The following PDCL3 variants were observed in gnomAD, a reference collection of about 807,000 sequenced individuals.
PDCL3 encodes the protein phosducin-like protein 3.
Under a neutral mutation model 26.5 loss-of-function variants are expected in PDCL3, and 22 were observed. The ratio of observed to expected loss-of-function variants is 0.83; its 90% CI spans 0.59 to 1.19. The LOEUF (loss-of-function observed/expected upper bound fraction) is 1.19, where lower values mean the gene tolerates loss of function less well. Among genes scored for constraint, PDCL3 ranks in the 50% most tolerant of loss-of-function variants. PDCL3 has a pLI of 0.00. For missense variants in PDCL3, 246 were observed against 294.1 expected (o/e 0.84, Z 1.20); for synonymous variants, 81 against 104.9 (o/e 0.77, Z 1.39).
intron 2 of PDCL3, among the ~76,000 whole-genome samples, 170 bp downstream of exon 2, chr2:100,566,799 C>T (rs1327475462): frequency 6.6e-6 from 1 of 152,194 alleles, no homozygotes; most frequent in East Asian, 1.9e-4. Context: ...GAGCCATAGA[C>T]TTAGGGGACT....
At chr2:100,574,646 C>T (rs1318784465) in intron 5 of PDCL3, among the ~76,000 whole-genome samples, 1 of 152,122 alleles carries the variant, frequency 6.6e-6, no homozygotes, top group Non-Finnish European at 1.5e-5. Flanking sequence ...TTCAAGTATA[C>T]AATACGTTAT....
Position 100,569,692 on chromosome 2 carries a change from G to A in PDCL3, c.339G>A (p.Leu113=), listed in dbSNP as rs1558697273. 8 of 1,613,842 alleles carry A rather than the reference G, an allele frequency of 5.0e-6. No homozygotes were observed. Among genetic ancestry groups the A allele is most frequent in the Middle Eastern group, 1.6e-4 (1 of 6,062 alleles). ...VQEVTKAGEG[L]WVILHLYKQG... ...AAGTTACCAAAGCTGGCGAGGGCTT[G>A]TGGGTCATCTTGCACCTTTACAAAC... The change falls in exon 4 of 6, where the codon TTG becomes TTA. Residue 113 remains leucine, a synonymous_variant. Transcript: ENST00000264254.
At chr2:100,571,874 GGACTCCTGTTAC>G in intron 5 of PDCL3, 76 bp downstream of exon 5, 1 of 1,441,932 alleles carries the variant, frequency 6.9e-7, no homozygotes, top group East Asian at 2.3e-5. Flanking sequence ...TCTATTTCCT[GGACTCCTGTTAC>G]GATGGTGGGT....
intron 3 of PDCL3, among the ~76,000 whole-genome samples, chr2:100,569,237 T>A (rs1675120636): frequency 6.6e-6 from 1 of 151,968 alleles, no homozygotes; most frequent in African/African-American, 2.4e-5. Context: ...AAAAACTAGC[T>A]GGGTGTGGTG....
At position 100,566,426 on chromosome 2, in the gene PDCL3, C is replaced by T. The variant is rs141195488; in HGVS notation, c.7-77C>T. ...ATTCCTCCCTTCCTGTCACTTTTCCCATTTGGCCCCTTGCCCAACGTGGCA... is the reference window on the plus strand; with the variant it reads ...ATTCCTCCCTTCCTGTCACTTTTCCTATTTGGCCCCTTGCCCAACGTGGCA... On this transcript the variant is annotated intron_variant, in intron 1 of 5. Coordinates refer to ENST00000264254, the MANE Select transcript of PDCL3 (RefSeq NM_024065.5). 1.1e-3 allele frequency: 1,749 copies of T among 1,523,704 alleles called. 17 individuals are homozygous for T. In the African/African-American group the frequency reaches 0.021, roughly 18 times the overall value. The allele number at this position is 1,523,704 out of a possible 1,614,324, so 94.4% of individuals were successfully genotyped here.
intron 5 of PDCL3, among the ~76,000 whole-genome samples, chr2:100,573,083 C>T (rs1378572740): frequency 6.6e-6 from 1 of 150,726 alleles, no homozygotes; most frequent in African/African-American, 2.4e-5. Context: ...CAGGTTTTCA[C>T]CATGTTGGCC....
At chr2:100,566,369 CT>C (rs1326605653) in intron 1 of PDCL3, 133 bp from the exon 2 acceptor site, 1 of 1,196,948 alleles carries the variant, frequency 8.4e-7, no homozygotes, top group African/African-American at 1.5e-5. Flanking sequence ...TCTTTTGACA[CT>C]TTCTCAGAAA....
At chr2:100,575,366 A>T (rs1264699846) in intron 5 of PDCL3, among the ~76,000 whole-genome samples, 1 of 152,056 alleles carries the variant, frequency 6.6e-6, no homozygotes, top group Non-Finnish European at 1.5e-5. Context: ...CGATCTCCAG[A>T]CTTCGTGATC....
intron 2 of PDCL3, 118 bp downstream of exon 2, chr2:100,566,747 A>T: frequency 7.0e-7 from 1 of 1,438,776 alleles, no homozygotes. Flanking sequence ...TGTCTGTGGG[A>T]CCTCAGACAA....
At chr2:100,564,447 T>A (rs1489111992) in intron 1 of PDCL3, among the ~76,000 whole-genome samples, 1 of 152,000 alleles carries the variant, frequency 6.6e-6, no homozygotes, top group East Asian at 1.9e-4. Flanking sequence ...CAGGCGCCCG[T>A]CACCACTCCC....
chr2:100,573,441 A>C (rs1675217501), intron 5 of PDCL3, among the ~76,000 whole-genome samples: 1 of 152,018 alleles, frequency 6.6e-6, no homozygotes, highest in Admixed American at 6.6e-5. Flanking sequence ...TGGGAGGCCA[A>C]GGCGGGTGGA....
chr2:100,571,389 G>A (rs923597849), intron 4 of PDCL3, among the ~76,000 whole-genome samples: 2 of 150,324 alleles, frequency 1.3e-5, no homozygotes, highest in African/African-American at 4.9e-5. Flanking sequence ...CTTGTGAGCC[G>A]AGATCACACC....
At chr2:100,572,226 T>C (rs1573282726) in intron 5 of PDCL3, among the ~76,000 whole-genome samples, 1 of 152,208 alleles carries the variant, frequency 6.6e-6, no homozygotes, top group East Asian at 1.9e-4. Context: ...GTTATTTATT[T>C]TTTGAGACAG....
At position 100,569,659 on chromosome 2, in the gene PDCL3, T is replaced by A; in HGVS notation, c.306T>A (p.Tyr102Ter). The A allele has an allele frequency of 6.2e-7, 1 of 1,614,162 alleles. No individual in the cohort carries two copies. The highest frequency in any genetic ancestry group is 1.1e-5 in the South Asian group (1 of 91,074). ...GEVLEISGKDYVQEVTKAGEG... is the reference protein window; with the variant it reads ...GEVLEISGKD ...TTTTGGAGATCTCAGGGAAGGATTA[T>A]GTTCAAGAAGTTACCAAAGCTGGCG... The change falls in exon 4 of 6, where the codon TAT becomes TAA. Residue 102 changes from tyrosine (Y) to a stop codon, truncating the protein, a stop_gained. Transcript: ENST00000264254. LOFTEE classifies it high-confidence loss of function.
At chr2:100,569,977 G>A (rs1675135650) in intron 4 of PDCL3, among the ~76,000 whole-genome samples, 3 of 152,104 alleles carry the variant, frequency 2.0e-5, no homozygotes, top group South Asian at 4.1e-4. Flanking sequence ...GGGCGTGGTC[G>A]CGGGCGCCTA....
chr2:100,565,600 C>T (rs1675046701), intron 1 of PDCL3, among the ~76,000 whole-genome samples: 2 of 152,016 alleles, frequency 1.3e-5, no homozygotes, highest in African/African-American at 4.8e-5. Flanking sequence ...AGCCCCCAGA[C>T]TCCTATCACA....
In PDCL3 at chr2:100,569,673, C is replaced by T. The variant is rs1483073151; in HGVS notation, c.320C>T (p.Thr107Ile). The T allele has an allele frequency of 1.9e-6, 3 of 1,613,832 alleles. No homozygotes were observed. The highest frequency in any genetic ancestry group is 1.3e-5 in the African/African-American group (1 of 74,892). Residue 107 changes from threonine (T) to isoleucine (I), a missense_variant, in exon 4 of 6, where the codon ACC becomes ATC. Coordinates refer to ENST00000264254, the MANE Select transcript of PDCL3 (RefSeq NM_024065.5). ...GGGAAGGATTATGTTCAAGAAGTTACCAAAGCTGGCGAGGGCTTGTGGGTC... is the reference window on the plus strand; with the variant it reads ...GGGAAGGATTATGTTCAAGAAGTTATCAAAGCTGGCGAGGGCTTGTGGGTC... ...ISGKDYVQEV[T>I]KAGEGLWVIL... is the part of the protein sequence containing the mutation.
chr2:100,569,755 T>A, intron 4 of PDCL3, 34 bp downstream of exon 4: 10 of 1,589,986 alleles, frequency 6.3e-6, no homozygotes, highest in Non-Finnish European at 8.6e-6. Context: ...TATCAAATGT[T>A]AATTTGAATT....
chr2:100,575,312 T>A (rs965329746), intron 5 of PDCL3, among the ~76,000 whole-genome samples: 2 of 152,004 alleles, frequency 1.3e-5, no homozygotes, highest in Non-Finnish European at 2.9e-5. Flanking sequence ...ATTTTTTGTA[T>A]TTTTAGTAGA....
Sources: gnomAD v4.1 joint callset for allele counts (sites outside exome capture counted in the v4.1 genomes callset) on GRCh38, gnomAD v4.1.1 for gene constraint, MANE v1.5 for transcripts, NCBI Gene and HGNC (gene_info 2026-07-23, HGNC 2026-07-21) for gene names.